Variants in ASTN2 observed in about 807,000 individuals in gnomAD.
The protein encoded by ASTN2 is astrotactin-2.
ASTN2 carries 54 observed loss-of-function variants against 139.8 expected under a neutral mutation model. The observed-to-expected ratio is 0.39, with a 90% CI of 0.31 to 0.48. The LOEUF is 0.48. Ranked by LOEUF, ASTN2 falls within the 20% of genes least tolerant of loss-of-function variation. The pLI, the probability that ASTN2 is intolerant of heterozygous loss-of-function variation, is 0.95. For synonymous variants in ASTN2, 756 were observed against 719.5 expected (o/e 1.05, Z -0.81); for missense variants, 1,565 against 1,725.1 (o/e 0.91, Z 1.64).
At chr9:117,142,701 A>G (rs1186631454) in intron 3 of ASTN2, among the ~76,000 whole-genome samples, 3 of 152,214 alleles carry the variant, frequency 2.0e-5, no homozygotes, top group African/African-American at 7.2e-5. Flanking sequence ...AAAAGGAAAA[A>G]AATAACAGAA....
rs551629330 is a variant in ASTN2, at chr9:117,303,025, C to A, written c.443-11512G>T. Among the ~76,000 whole-genome samples, 198 of 152,270 alleles carry A rather than the reference C, an allele frequency of 1.3e-3. No individual in the cohort carries two copies. The South Asian group carries it at 0.033, about 25-fold the overall frequency. On this transcript the variant is annotated intron_variant, in intron 1 of 22. Coordinates refer to ENST00000313400, the MANE Select transcript of ASTN2 (RefSeq NM_001365068.1). The stretch of plus-strand genomic sequence containing the variant: ...GCATACATGGATGTTACCCATCATT[C>A]AAAACCCAGCTGAAGTGACCCTCTA...
chr9:116,711,451 T>C (rs755705903), intron 16 of ASTN2, among the ~76,000 whole-genome samples: 2 of 152,248 alleles, frequency 1.3e-5, no homozygotes, highest in Non-Finnish European at 2.9e-5. Context: ...TTCTGGACGA[T>C]ACCATCTTTT....
intron 19 of ASTN2, chr9:116,546,673 G>A (rs995221833): frequency 6.6e-6 from 1 of 152,190 alleles, no homozygotes; most frequent in African/African-American, 2.4e-5. Flanking sequence ...CATTATAATA[G>A]AATGGGGAAA....
At chr9:116,932,937 TGGAGTTTTCAG>T (rs1834945303) in intron 10 of ASTN2, among the ~76,000 whole-genome samples, 2 of 135,728 alleles carry the variant, frequency 1.5e-5, no homozygotes, top group Non-Finnish European at 3.0e-5. Context: ...AACCAGGAGG[TGGAGTTTTCAG>T]GGAGCCAAGA....
chr9:116,519,093 TCAA>T (rs1850765297), intron 19 of ASTN2, among the ~76,000 whole-genome samples: 1 of 151,462 alleles, frequency 6.6e-6, no homozygotes, highest in Non-Finnish European at 1.5e-5. Flanking sequence ...ACAAGACAGG[TCAA>T]CAAGACAGAA....
chr9:116,479,312 T>C (rs1424419225), intron 20 of ASTN2, among the ~76,000 whole-genome samples: 1 of 152,176 alleles, frequency 6.6e-6, no homozygotes, highest in Non-Finnish European at 1.5e-5. Flanking sequence ...AGGGTAGGAA[T>C]GTAAATAAAG....
intron 16 of ASTN2, among the ~76,000 whole-genome samples, chr9:116,663,046 T>C (rs1858654897): frequency 6.6e-6 from 1 of 152,180 alleles, no homozygotes; most frequent in Non-Finnish European, 1.5e-5. Flanking sequence ...GAAAACTGTG[T>C]TTAAAACTTA....
intron 20 of ASTN2, among the ~76,000 whole-genome samples, chr9:116,482,848 T>C (rs7873551): frequency 0.21 from 31,396 of 151,766 alleles, 3,359 homozygotes; most frequent in Middle Eastern, 0.24. Context: ...GCCAGGGAGG[T>C]GAGGGCGGGT....
At chr9:116,975,875 A>G (rs1836328701) in intron 9 of ASTN2, among the ~76,000 whole-genome samples, 3 of 152,216 alleles carry the variant, frequency 2.0e-5, no homozygotes, top group Admixed American at 1.3e-4. Context: ...CTTAATAATC[A>G]GTAATGTCTC....
chr9:116,746,368 G>A (rs1588259999), intron 13 of ASTN2, among the ~76,000 whole-genome samples: 1 of 152,060 alleles, frequency 6.6e-6, no homozygotes, highest in Non-Finnish European at 1.5e-5. Flanking sequence ...TTACAGGCTT[G>A]AGCCACCATG....
rs1053267119 is a variant in ASTN2 at position 116,865,630 on chromosome 9, G to C, written c.1890-1897C>G. Among the ~76,000 whole-genome samples the C allele has an allele frequency of 2.6e-5, 4 of 151,882 alleles. No homozygotes were observed. In the South Asian group the frequency reaches 8.3e-4, roughly 32 times the overall value. ...CCCCACAGTAGCCAGTCATTGGTGG[G>C]GCTGCTGTCTGGAATGGGATATACT... is the stretch of plus-strand genomic sequence containing the variant. On this transcript the variant is annotated intron_variant, in intron 10 of 22. Coordinates refer to ENST00000313400, the MANE Select transcript of ASTN2 (RefSeq NM_001365068.1).
At position 116,964,216 on chromosome 9, in the gene ASTN2, GGTGTGTGTGTGT is replaced by G. The variant is rs56209166; in HGVS notation, c.1889+10980_1889+10991del. Among the ~76,000 whole-genome samples the G allele has an allele frequency of 1.4e-3, 192 of 140,812 alleles. 1 individual carries two copies. The highest frequency in any genetic ancestry group is 7.7e-3 in the Middle Eastern group (2 of 260). 92.4% of individuals were successfully genotyped at this position (140,812 alleles called of 152,430 possible). Reference sequence around the variant, plus strand: ...CATCTTTCTGACTAGACTGCCCTGGGGTGTGTGTGTGTGTGTGTGTGTGTGTGTGTGTGTGTG... The same window carrying G: ...CATCTTTCTGACTAGACTGCCCTGGGGTGTGTGTGTGTGTGTGTGTGTGTG... On this transcript the variant is annotated intron_variant, in intron 10 of 22. Coordinates refer to ENST00000313400, the MANE Select transcript of ASTN2 (RefSeq NM_001365068.1).
At chr9:116,658,849 G>A (rs766992276) in intron 16 of ASTN2, among the ~76,000 whole-genome samples, 33 of 151,140 alleles carry the variant, frequency 2.2e-4, no homozygotes, top group Non-Finnish European at 4.4e-4. Flanking sequence ...CTCCTATTGG[G>A]AAAGATACGG....
chr9:116,803,516 ATATATATTTTTTT>A (rs1830944588), intron 13 of ASTN2, among the ~76,000 whole-genome samples: 2 of 4,550 alleles, frequency 4.4e-4, no homozygotes, highest in Middle Eastern at 0.042. Context: ...ATATATATAT[ATATATATTTTTTT>A]TTTTTTTTTT....
chr9:116,455,595 A>G (rs1279460762), intron 20 of ASTN2, among the ~76,000 whole-genome samples: 1 of 152,062 alleles, frequency 6.6e-6, no homozygotes, highest in African/African-American at 2.4e-5. Context: ...TGACTACATA[A>G]TTTTGAAAAG....
chr9:116,749,852 C>T (rs75226147), intron 13 of ASTN2, among the ~76,000 whole-genome samples: 2,163 of 152,254 alleles, frequency 0.014, 35 homozygotes, highest in Non-Finnish European at 0.019. Context: ...CTCTCTTGCT[C>T]TCACTCTCAT....
intron 10 of ASTN2, among the ~76,000 whole-genome samples, chr9:116,968,703 A>T (rs1836089699): frequency 6.6e-6 from 1 of 152,026 alleles, no homozygotes; most frequent in Admixed American, 6.6e-5. Flanking sequence ...GTTCGAAACC[A>T]GCCTGGCCAA....
chr9:116,811,308 A>T (rs965625939), intron 12 of ASTN2, among the ~76,000 whole-genome samples: 1 of 152,188 alleles, frequency 6.6e-6, no homozygotes, highest in Non-Finnish European at 1.5e-5. Context: ...CTTTGCCCAC[A>T]CCCCATAAGT....
At chr9:117,328,643 G>A (rs957738225) in intron 1 of ASTN2, among the ~76,000 whole-genome samples, 2 of 152,176 alleles carry the variant, frequency 1.3e-5, no homozygotes, top group Admixed American at 6.5e-5. Context: ...CTGCTTAGTG[G>A]CCTCATTTTT....
Sources: allele counts gnomAD v4.1 joint callset (sites outside exome capture counted in the v4.1 genomes callset), GRCh38; gene constraint gnomAD v4.1.1; transcripts MANE v1.5; gene names NCBI Gene and HGNC (gene_info 2026-07-23, HGNC 2026-07-21).